Variants in TUT4 observed in about 807,000 individuals in gnomAD.
TUT4 encodes terminal uridylyl transferase 4.
In TUT4, 36 loss-of-function variants were observed where a neutral mutation model predicts 192.2. That is an observed-to-expected ratio of 0.19 (90% CI 0.14 to 0.25). TUT4 has a LOEUF of 0.25. TUT4 is among the 10% of genes least tolerant of loss of function. The pLI is 1.00. For missense variants in TUT4, 1,493 were observed against 1,957.2 expected, an observed-to-expected ratio of 0.76 and a Z score of 4.47; for synonymous variants, 618 against 666.0, an observed-to-expected ratio of 0.93 and a Z score of 1.11.
intron 1 of TUT4, among the ~76,000 whole-genome samples, chr1:52,527,589 A>G (rs574644953): frequency 6.6e-6 from 1 of 152,270 alleles, no homozygotes; most frequent in South Asian, 2.1e-4. Context: ...AAGAGTTTAA[A>G]AAAAAACAAA....
chr1:52,424,178 C>T, intron 29 of TUT4, 176 bp from the exon 30 acceptor site: 1 of 614,864 alleles, frequency 1.6e-6, no homozygotes, highest in South Asian at 2.1e-5. Flanking sequence ...GAAGGAAATA[C>T]CTGTATGTGA....
At chr1:52,458,651 G>T (rs1166183396) in intron 19 of TUT4, among the ~76,000 whole-genome samples, 1 of 152,044 alleles carries the variant, frequency 6.6e-6, no homozygotes, top group Non-Finnish European at 1.5e-5. Context: ...AGACCAGCCT[G>T]GGTAATGCAG....
At chr1:52,462,537 C>T (rs1404754943) in intron 16 of TUT4, 1 of 190,014 alleles carries the variant, frequency 5.3e-6, no homozygotes, top group Admixed American at 6.5e-5. Context: ...AGATGTTTAA[C>T]CTCTCTGAGC....
chr1:52,474,067 A>G (rs374773965), intron 13 of TUT4, among the ~76,000 whole-genome samples: 6 of 152,192 alleles, frequency 3.9e-5, no homozygotes, highest in African/African-American at 1.4e-4. Flanking sequence ...AATTAGCCAG[A>G]CATGGTGGCA....
chr1:52,510,849 T>C (rs1676950913), intron 3 of TUT4, among the ~76,000 whole-genome samples: 1 of 152,184 alleles, frequency 6.6e-6, no homozygotes, highest in Admixed American at 6.5e-5. Flanking sequence ...GACACTGAAT[T>C]TAAATTCCTG....
chr1:52,539,837 C>T (rs537191342), intron 1 of TUT4, among the ~76,000 whole-genome samples: 16 of 149,792 alleles, frequency 1.1e-4, no homozygotes, highest in Non-Finnish European at 2.2e-4. Flanking sequence ...AACCAGGAGG[C>T]GGGGGTTGCA....
intron 3 of TUT4, among the ~76,000 whole-genome samples, chr1:52,513,301 C>CT (rs1161871977): frequency 2.5e-4 from 36 of 146,880 alleles, no homozygotes; most frequent in African/African-American, 7.1e-4. Flanking sequence ...ACTCGGGAGA[C>CT]TTAGGTACCT....
rs575518746 is a variant in TUT4, at chr1:52,508,731, C to T, written c.999+865G>A. Reference sequence around the variant, plus strand: ...GGTAGAATATTTCTTAAAGAAGATACATGAGCTAAGACCTAGAGATAAGAG... The same window carrying T: ...GGTAGAATATTTCTTAAAGAAGATATATGAGCTAAGACCTAGAGATAAGAG... On this transcript the variant is annotated intron_variant, in intron 4 of 29. Transcript: ENST00000257177. Among the ~76,000 whole-genome samples, 48 of 152,214 alleles carry T rather than the reference C, an allele frequency of 3.2e-4. 1 individual carries two copies. In the South Asian group the frequency reaches 9.5e-3, roughly 30 times the overall value.
At chr1:52,447,409 A>T (rs1331947562) in intron 20 of TUT4, among the ~76,000 whole-genome samples, 1 of 151,640 alleles carries the variant, frequency 6.6e-6, no homozygotes, top group Admixed American at 6.6e-5. Context: ...AGATCGTGCC[A>T]CTGCACTCCA....
At chr1:52,425,002 C>CAA in intron 29 of TUT4, 2 of 167,446 alleles carry the variant, frequency 1.2e-5, no homozygotes, top group Admixed American at 6.4e-5. Context: ...CATCTCTAGG[C>CAA]AAAAAAAAAA....
intron 11 of TUT4, among the ~76,000 whole-genome samples, chr1:52,478,414 T>C (rs1360977008): frequency 6.6e-6 from 1 of 152,196 alleles, no homozygotes; most frequent in Admixed American, 6.5e-5. Flanking sequence ...CCTGACATTG[T>C]TAGGAATATC....
At position 52,475,161 on chromosome 1, in the gene TUT4, G is replaced by A. The variant is rs1175211062; in HGVS notation, c.2398C>T (p.Leu800Phe). 1 of 1,614,130 alleles carries A rather than the reference G, an allele frequency of 6.2e-7. No individual in the cohort carries two copies. Residue 800 changes from leucine to phenylalanine, a missense_variant, in exon 13 of 30, where the codon CTT becomes TTT. Around this residue, in one of 7 missense-constraint regions of TUT4, gnomAD observed 245 missense variants for 218.4 expected, o/e 1.12. Coordinates refer to ENST00000257177, the MANE Select transcript of TUT4 (RefSeq NM_001009881.3). ...ATTTCACTGCTTTTGCTGGTAGAAAGAGATGAAGAGTCCTGTCCGTGGTCA... is the reference window on the plus strand; with the variant it reads ...ATTTCACTGCTTTTGCTGGTAGAAAAAGATGAAGAGTCCTGTCCGTGGTCA... Reference protein sequence around the residue: ...FADHGQDSSSLSTSKSSEIEP... With the variant: ...FADHGQDSSSFSTSKSSEIEP...
At position 52,467,880 on chromosome 1, in the gene TUT4, C is replaced by G. The variant is rs115003621; in HGVS notation, c.2965+301G>C. On this transcript the variant is annotated intron_variant, in intron 15 of 29. Coordinates refer to ENST00000257177, the MANE Select transcript of TUT4 (RefSeq NM_001009881.3). The stretch of plus-strand genomic sequence containing the variant: ...CCTTCATGTTATTCAGGATTCTCCT[C>G]AAATGCTACCTTATGAGAGAGGCCT... Among the ~76,000 whole-genome samples the G allele has an allele frequency of 5.7e-3, 868 of 152,288 alleles. 8 individuals are homozygous for G. The highest frequency in any genetic ancestry group is 0.02 in the African/African-American group (831 of 41,562).
chr1:52,530,258 C>CAA lies in TUT4; in HGVS notation c.-93-3887_-93-3886dup, dbSNP rs11365992. On this transcript the variant is annotated intron_variant, in intron 1 of 29. Coordinates refer to ENST00000257177, the MANE Select transcript of TUT4 (RefSeq NM_001009881.3). ...TGGGTGACAGAGTGAGACTCCATCT[C>CAA]AAAAAAAAAAAAAAAAAAAAATTGC... Among the ~76,000 whole-genome samples, 13 of 93,282 alleles carry CAA rather than the reference C, an allele frequency of 1.4e-4. No individual in the cohort carries two copies. In the East Asian group the frequency reaches 3.1e-3, roughly 23 times the overall value. 61.2% of individuals were successfully genotyped at this position (93,282 alleles called of 152,430 possible). A position where few individuals can be genotyped will look rare whatever the true frequency, so the allele number is the denominator to read the frequency against.
chr1:52,471,343 C>T (rs577826196), intron 14 of TUT4, among the ~76,000 whole-genome samples: 2 of 152,284 alleles, frequency 1.3e-5, no homozygotes, highest in South Asian at 4.1e-4. Context: ...TAATCTTTGA[C>T]GTTTAAAAAT....
chr1:52,508,192 C>G (rs1676140946), intron 4 of TUT4, among the ~76,000 whole-genome samples: 1 of 151,836 alleles, frequency 6.6e-6, no homozygotes. Flanking sequence ...ATCAGCCAGG[C>G]ATGGTATGCC....
At position 52,474,984 on chromosome 1, in the gene TUT4, C is replaced by G; in HGVS notation, c.2575G>C (p.Glu859Gln). 6.2e-7 allele frequency: 1 copy of G among 1,614,190 alleles called. No individual in the cohort carries two copies. Among genetic ancestry groups the G allele is most frequent in the Non-Finnish European group, 8.5e-7 (1 of 1,180,040 alleles). Reference protein sequence around the residue: ...GTDCRSNLETESSHQSVCTDT... With the variant: ...GTDCRSNLETQSSHQSVCTDT... ...GTGCACACACTCTGATGTGAACTCTCTGTTTCTAAATTTGACCTGCAGTCT... is the reference window on the plus strand; with the variant it reads ...GTGCACACACTCTGATGTGAACTCTGTGTTTCTAAATTTGACCTGCAGTCT... The change falls in exon 13 of 30, where the codon GAG becomes CAG. Residue 859 changes from glutamate to glutamine, a missense_variant. Coordinates refer to ENST00000257177, the MANE Select transcript of TUT4 (RefSeq NM_001009881.3).
chr1:52,462,055 A>G, intron 16 of TUT4: 1 of 262,470 alleles, frequency 3.8e-6, no homozygotes, highest in Non-Finnish European at 7.2e-6. Context: ...AAGCACAAAG[A>G]CAGGAGAAGA....
intron 9 of TUT4, among the ~76,000 whole-genome samples, chr1:52,485,026 T>A (rs1474300340): frequency 6.6e-6 from 1 of 152,250 alleles, no homozygotes; most frequent in Non-Finnish European, 1.5e-5. Flanking sequence ...TCCAGAAGTA[T>A]GTGAGCACCA....
Sources: gnomAD v4.1 joint callset for allele counts (sites outside exome capture counted in the v4.1 genomes callset) on GRCh38, gnomAD v4.1.1 for gene constraint, gnomAD v4.1.1 regional missense constraint, MANE v1.5 for transcripts, NCBI Gene and HGNC (gene_info 2026-07-23, HGNC 2026-07-21) for gene names.